Variants in B4GALNT2 observed in about 807,000 individuals in gnomAD.
B4GALNT2 encodes the protein beta-1,4-N-acetyl-galactosaminyltransferase 2 (SID blood group).
Under a neutral mutation model 51.1 loss-of-function variants are expected in B4GALNT2, and 42 were observed. That is an observed-to-expected ratio of 0.82 (90% CI 0.64 to 1.06). The LOEUF (loss-of-function observed/expected upper bound fraction) is 1.06, where lower values mean the gene tolerates loss of function less well. Ranked by LOEUF, B4GALNT2 falls within the 50% of genes least tolerant of loss-of-function variation. The pLI is 0.00. For synonymous variants in B4GALNT2, 253 were observed against 251.7 expected (o/e 1.01, Z -0.05); for missense variants, 602 against 633.6 (o/e 0.95, Z 0.54).
the B4GALNT2 span, among the ~76,000 whole-genome samples, chr17:49,126,206 C>A: frequency 9.9e-5 from 15 of 152,168 alleles, no homozygotes; most frequent in Admixed American, 7.2e-4. Flanking sequence ...TTACCCCCAA[C>A]CCTGTGCTCT....
Position 49,172,835 on chromosome 17 carries a change from A to G in B4GALNT2, c.*3107A>G, listed in dbSNP as rs2042965640. 1.3e-5 allele frequency: 2 copies of G among 152,208 alleles called. No individual in the cohort carries two copies. Among genetic ancestry groups the G allele is most frequent in the African/African-American group, 4.8e-5 (2 of 41,438 alleles). 9.4% of individuals were successfully genotyped at this position (152,208 alleles called of 1,614,324 possible). On this transcript the variant is annotated 3_prime_UTR_variant, in exon 11 of 11. Coordinates refer to ENST00000393354, the MANE Select transcript of B4GALNT2 (RefSeq NM_001159387.2). ...CCAGACAAAGTGAGAAAAGGTGTCCACACATACATGTACATAAGCTAGTCT... is the reference window on the plus strand; with the variant it reads ...CCAGACAAAGTGAGAAAAGGTGTCCGCACATACATGTACATAAGCTAGTCT...
chr17:49,163,687 C>T (rs950964549), intron 7 of B4GALNT2, among the ~76,000 whole-genome samples: 1 of 136,628 alleles, frequency 7.3e-6, no homozygotes, highest in Non-Finnish European at 1.5e-5. Context: ...ACCTGGGAGG[C>T]GGAGGTTGCA....
chr17:49,150,647 A>C (rs2042744154), intron 3 of B4GALNT2, among the ~76,000 whole-genome samples: 1 of 151,418 alleles, frequency 6.6e-6, no homozygotes, highest in South Asian at 2.1e-4. Context: ...TCTCTGAAAC[A>C]TGTGCTGTGT....
intron 1 of B4GALNT2, among the ~76,000 whole-genome samples, chr17:49,137,570 T>C (rs1254156127): frequency 6.6e-6 from 1 of 152,222 alleles, no homozygotes; most frequent in African/African-American, 2.4e-5. Flanking sequence ...TATTCTGTTA[T>C]AGCAGCACAA....
At chr17:49,129,713 G>GCA (rs1555609290), upstream of B4GALNT2, among the ~76,000 whole-genome samples, 2 of 75,080 alleles carry the variant, frequency 2.7e-5, no homozygotes, top group Non-Finnish European at 6.3e-5. Flanking sequence ...TTTCTGTGTG[G>GCA]GGGGGGAAGT....
chr17:49,157,342 A>G (rs1389388047), intron 5 of B4GALNT2, among the ~76,000 whole-genome samples: 2 of 148,832 alleles, frequency 1.3e-5, no homozygotes, highest in South Asian at 2.2e-4. Context: ...TTTTTTTGAG[A>G]TGGAGTCTCA....
At chr17:49,167,691 C>G (rs923936983) in intron 9 of B4GALNT2, among the ~76,000 whole-genome samples, 3 of 150,446 alleles carry the variant, frequency 2.0e-5, no homozygotes, top group South Asian at 4.2e-4. Flanking sequence ...CTCACTGCAG[C>G]CTCTGTCTCC....
Position 49,142,101 on chromosome 17 carries a change from T to C in B4GALNT2, c.282T>C (p.Asp94=), listed in dbSNP as rs1037475950. Residue 94 remains aspartate (D), a synonymous_variant, in exon 3 of 11, where the codon GAT becomes GAC. Transcript: ENST00000393354. ...NKEQGGYNFQ[D]AYGQSDLPAV... ...AGCAGGGAGGTTACAACTTTCAGGATGCCTATGGCCAGAGCGACCTCCCAG... is the reference window on the plus strand; with the variant it reads ...AGCAGGGAGGTTACAACTTTCAGGACGCCTATGGCCAGAGCGACCTCCCAG... 1.9e-6 allele frequency: 3 copies of C among 1,614,132 alleles called. No individual in the cohort carries two copies. The highest frequency in any genetic ancestry group is 2.2e-5 in the South Asian group (2 of 91,080).
chr17:49,168,686 C>T lies in B4GALNT2; in HGVS notation c.1101C>T (p.Gly367=), dbSNP rs370212813. ...VLEKTELDVV[G]GSVLGNVFQF... is the part of the protein sequence containing the mutation. ...TTTCTCTGCCTGCTGGCTAGGTAGG[C>T]GGCAGTGTGCTGGGAAATGTGTTCC... The change falls in exon 10 of 11, where the codon GGC becomes GGT. Residue 367 remains glycine, a synonymous_variant. Coordinates refer to ENST00000393354, the MANE Select transcript of B4GALNT2 (RefSeq NM_001159387.2). The T allele has an allele frequency of 2.4e-5, 38 of 1,612,824 alleles. No individual in the cohort carries two copies. Among genetic ancestry groups the T allele is most frequent in the African/African-American group, 1.9e-4 (14 of 74,884 alleles).
At chr17:49,160,261 T>G (rs1488962050) in intron 6 of B4GALNT2, among the ~76,000 whole-genome samples, 1 of 152,076 alleles carries the variant, frequency 6.6e-6, no homozygotes. Context: ...AAAAATCAGA[T>G]AGTAAATGGT....
chr17:49,132,402 G>A, upstream of B4GALNT2: 1 of 219,892 alleles, frequency 4.5e-6, no homozygotes, highest in Non-Finnish European at 8.9e-6. Context: ...TGAAGTGGAG[G>A]GTGGAGGTGG....
intron 7 of B4GALNT2, among the ~76,000 whole-genome samples, chr17:49,163,750 C>G (rs1385350213): frequency 8.5e-6 from 1 of 117,406 alleles, no homozygotes; most frequent in Non-Finnish European, 1.7e-5. Flanking sequence ...AGGCAAAACT[C>G]CGTATCAAAA....
rs1598212990 is a variant in B4GALNT2, at chr17:49,160,470, G to C, written c.680-85G>C. 1.0e-5 allele frequency: 13 copies of C among 1,265,212 alleles called. No individual in the cohort carries two copies. The East Asian group carries it at 3.0e-4, about 29-fold the overall frequency. The allele number at this position is 1,265,212 out of a possible 1,614,324, so 78.4% of individuals were successfully genotyped here. On this transcript the variant is annotated intron_variant, in intron 6 of 10. Coordinates refer to ENST00000393354, the MANE Select transcript of B4GALNT2 (RefSeq NM_001159387.2). Reference sequence around the variant, plus strand: ...GACTCTCCCCACCAAACCTGTACTCGCCTGTCATGGTGGCTTCCCGGGGTG... The same window carrying C: ...GACTCTCCCCACCAAACCTGTACTCCCCTGTCATGGTGGCTTCCCGGGGTG...
chr17:49,152,342 T>C (rs769991790), intron 3 of B4GALNT2, among the ~76,000 whole-genome samples: 31 of 152,164 alleles, frequency 2.0e-4, no homozygotes, highest in Non-Finnish European at 4.0e-4. Context: ...TGTGCCACTG[T>C]ACTCCAGCCA....
rs771679760 is a variant in B4GALNT2, at chr17:49,142,071, C to A, written c.252C>A (p.Asn84Lys). Residue 84 changes from asparagine to lysine, a missense_variant, in exon 3 of 11, where the codon AAC becomes AAA. Asn to Lys is a moderately conservative substitution (Grantham distance 94). Transcript: ENST00000393354. Reference sequence around the variant, plus strand: ...AAAATCAGTGCAAATGTGAAGCCAACAAAGAGCAGGGAGGTTACAACTTTC... The same window carrying A: ...AAAATCAGTGCAAATGTGAAGCCAAAAAAGAGCAGGGAGGTTACAACTTTC... ...FPKNQCKCEANKEQGGYNFQD... is the reference protein window; with the variant it reads ...FPKNQCKCEAKKEQGGYNFQD... 15 of 1,614,058 alleles carry A rather than the reference C, an allele frequency of 9.3e-6. No individual in the cohort carries two copies. Among genetic ancestry groups the A allele is most frequent in the South Asian group, 2.2e-5 (2 of 91,094 alleles).
chr17:49,122,930 T>G, the B4GALNT2 span, among the ~76,000 whole-genome samples: 1 of 152,240 alleles, frequency 6.6e-6, no homozygotes, highest in Non-Finnish European at 1.5e-5. Flanking sequence ...TAAAAGGTTT[T>G]AATATTTGGC....
chr17:49,130,983 A>G (rs111630239), upstream of B4GALNT2, among the ~76,000 whole-genome samples: 545 of 152,306 alleles, frequency 3.6e-3, 3 homozygotes, highest in African/African-American at 0.012. Context: ...AGCTGGTGAT[A>G]CAGGGGGTTT....
chr17:49,137,391 G>A (rs2144272464), intron 1 of B4GALNT2, among the ~76,000 whole-genome samples: 1 of 152,236 alleles, frequency 6.6e-6, no homozygotes, highest in East Asian at 1.9e-4. Flanking sequence ...CTCATAAAAG[G>A]ACAAATTCAG....
rs527669406 is a variant in B4GALNT2, at chr17:49,143,934, G to A, written c.353+1762G>A. 2.9e-3 allele frequency among the ~76,000 whole-genome samples: 444 copies of A among 152,274 alleles called. 3 individuals are homozygous for A. The highest frequency in any genetic ancestry group is 0.01 in the African/African-American group (420 of 41,570). ...AGGCCAAGACAGGTGAACCACCTGA[G>A]GTCAGGAGTTCGAGGCCAGCCTGGG... On this transcript the variant is annotated intron_variant, in intron 3 of 10. Transcript: ENST00000393354.
Sources: gnomAD v4.1 joint callset for allele counts (sites outside exome capture counted in the v4.1 genomes callset) on GRCh38, gnomAD v4.1.1 for gene constraint, MANE v1.5 for transcripts, NCBI Gene and HGNC (gene_info 2026-07-23, HGNC 2026-07-21) for gene names.